UGT8: variants seen among roughly 807,000 people sequenced by gnomAD.
The protein encoded by UGT8 is UDP glycosyltransferase 8.
A neutral mutation model predicts 40.5 loss-of-function variants in UGT8; 12 were observed. The observed-to-expected ratio is 0.30, with a 90% CI of 0.19 to 0.48. The LOEUF (loss-of-function observed/expected upper bound fraction) is 0.48, where lower values mean the gene tolerates loss of function less well. Ranked by LOEUF, UGT8 falls within the 20% of genes least tolerant of loss-of-function variation. The probability of loss-of-function intolerance (pLI) is 0.99; values close to 1 mark genes in which losing one functional copy is unlikely to be tolerated. For synonymous variants in UGT8, 224 were observed against 240.4 expected (o/e 0.93, Z 0.63); for missense variants, 513 against 648.7 (o/e 0.79, Z 2.27).
intron 2 of UGT8, among the ~76,000 whole-genome samples, chr4:114,629,657 A>G (rs1056034173): frequency 2.6e-5 from 4 of 152,238 alleles, no homozygotes; most frequent in East Asian, 1.9e-4. Context: ...TGTTGAAACT[A>G]TCAATGACTT....
At position 114,668,215 on chromosome 4, in the gene UGT8, G is replaced by A. The variant is rs1167704465; in HGVS notation, c.1173G>A (p.Gln391=). Residue 391 remains glutamine (Q), a synonymous_variant, in exon 5 of 6, where the codon CAG becomes CAA. Transcript: ENST00000310836. ...ATTATGATACTATGACCAGAGTACAGGCAAAAGGCATGGGGATATTGCTAG... is the reference window on the plus strand; with the variant it reads ...ATTATGATACTATGACCAGAGTACAAGCAAAAGGCATGGGGATATTGCTAG... ...GDHYDTMTRV[Q]AKGMGILLEW... is the part of the protein sequence containing the mutation. The A allele has an allele frequency of 6.2e-7, 1 of 1,613,808 alleles. No individual in the cohort carries two copies. The highest frequency in any genetic ancestry group is 2.2e-5 in the East Asian group (1 of 44,824).
intron 1 of UGT8, 38 bp downstream of exon 1, chr4:114,599,012 G>C (rs931920461): frequency 5.9e-5 from 9 of 151,528 alleles, no homozygotes; most frequent in African/African-American, 2.2e-4. Context: ...AGGGCGGAAG[G>C]GGGGGCGGTC....
chr4:114,671,186 C>G (rs1047304532), intron 5 of UGT8, among the ~76,000 whole-genome samples: 51 of 152,074 alleles, frequency 3.4e-4, no homozygotes, highest in African/African-American at 1.2e-3. Flanking sequence ...AACATTCCAT[C>G]CTCATGGATA....
intron 2 of UGT8, among the ~76,000 whole-genome samples, chr4:114,654,554 T>A (rs2126125126): frequency 6.6e-6 from 1 of 152,220 alleles, no homozygotes; most frequent in East Asian, 1.9e-4. Flanking sequence ...GCTGGAATCA[T>A]CCTCAGGCTT....
At chr4:114,606,389 T>C (rs569735792) in intron 1 of UGT8, among the ~76,000 whole-genome samples, 11 of 152,306 alleles carry the variant, frequency 7.2e-5, no homozygotes, top group African/African-American at 2.6e-4. Flanking sequence ...GTCTAGGGGC[T>C]CCACAGCAGG....
chr4:114,643,088 A>G (rs1396307101), intron 2 of UGT8, among the ~76,000 whole-genome samples: 1 of 152,164 alleles, frequency 6.6e-6, no homozygotes, highest in Non-Finnish European at 1.5e-5. Context: ...GTGAAGGTCC[A>G]AGGTAAAAAC....
chr4:114,625,240 C>T (rs1218729756), intron 2 of UGT8, among the ~76,000 whole-genome samples: 3 of 152,134 alleles, frequency 2.0e-5, no homozygotes, highest in South Asian at 2.1e-4. Context: ...GAGCTGGACG[C>T]GGTGTCCCAT....
At chr4:114,608,371 A>G (rs764412303) in intron 1 of UGT8, among the ~76,000 whole-genome samples, 6 of 152,162 alleles carry the variant, frequency 3.9e-5, no homozygotes, top group Non-Finnish European at 8.8e-5. Flanking sequence ...GACAAACACT[A>G]TTGATCAGAG....
At chr4:114,641,515 G>T (rs1028250342) in intron 2 of UGT8, among the ~76,000 whole-genome samples, 1 of 152,106 alleles carries the variant, frequency 6.6e-6, no homozygotes, top group Admixed American at 6.5e-5. Flanking sequence ...TTAAAAAACT[G>T]TGGCGTCTGT....
intron 2 of UGT8, among the ~76,000 whole-genome samples, chr4:114,633,689 T>G (rs967145444): frequency 1.3e-5 from 2 of 152,230 alleles, no homozygotes; most frequent in African/African-American, 2.4e-5. Context: ...CTTTCGCCTG[T>G]CATCCCAGCA....
chr4:114,672,020 G>T (rs1377683753), intron 5 of UGT8, among the ~76,000 whole-genome samples: 2 of 152,180 alleles, frequency 1.3e-5, no homozygotes, highest in Non-Finnish European at 2.9e-5. Flanking sequence ...GATATGAACA[G>T]ACACTTCTCA....
At chr4:114,607,483 C>G (rs1271622911) in intron 1 of UGT8, among the ~76,000 whole-genome samples, 1 of 152,104 alleles carries the variant, frequency 6.6e-6, no homozygotes, top group African/African-American at 2.4e-5. Context: ...TTCTTCCTTC[C>G]TGGCATTTTT....
intron 1 of UGT8, among the ~76,000 whole-genome samples, chr4:114,612,463 C>T (rs1731151522): frequency 6.6e-6 from 1 of 152,092 alleles, no homozygotes; most frequent in South Asian, 2.1e-4. Context: ...TTATTATGTG[C>T]AGTTGGACTA....
In UGT8 at chr4:114,677,922, G is replaced by A. The variant is rs1735750354; in HGVS notation, c.*1634G>A. ...GCACTTAGAAATAATGTCACAAGTA[G>A]TTTTCTAATGTACAATGCAGACAAA... On this transcript the variant is annotated 3_prime_UTR_variant, in exon 6 of 6. Transcript: ENST00000310836. 6.6e-6 allele frequency: 1 copy of A among 152,206 alleles called. No individual in the cohort carries two copies. The highest frequency in any genetic ancestry group is 1.5e-5 in the Non-Finnish European group (1 of 68,040). The allele number at this position is 152,206 out of a possible 1,614,324, so 9.4% of individuals were successfully genotyped here.
chr4:114,643,141 ACT>A lies in UGT8; in HGVS notation c.822+19444_822+19445del, dbSNP rs1030721943. Among the ~76,000 whole-genome samples the A allele has an allele frequency of 2.6e-5, 4 of 152,082 alleles. No individual in the cohort carries two copies. The East Asian group carries it at 7.7e-4, about 29-fold the overall frequency. On this transcript the variant is annotated intron_variant, in intron 2 of 5. Coordinates refer to ENST00000310836, the MANE Select transcript of UGT8 (RefSeq NM_001128174.3). ...CAGGACTTAAGATGCACAGTCACAT[ACT>A]CTCTGACTTTTTTGTTTGTATTAAG...
chr4:114,649,265 A>C (rs1228927935), intron 2 of UGT8, among the ~76,000 whole-genome samples: 3 of 152,156 alleles, frequency 2.0e-5, no homozygotes, highest in Admixed American at 6.6e-5. Context: ...ACCACAGAGG[A>C]ATCAGTTTGC....
intron 2 of UGT8, among the ~76,000 whole-genome samples, chr4:114,663,326 A>G (rs1017508846): frequency 6.6e-6 from 1 of 152,044 alleles, no homozygotes; most frequent in African/African-American, 2.4e-5. Context: ...TGCTTTCATG[A>G]CTGCATTATG....
At chr4:114,662,965 C>T (rs1465230807) in intron 2 of UGT8, among the ~76,000 whole-genome samples, 3 of 151,378 alleles carry the variant, frequency 2.0e-5, no homozygotes, top group Admixed American at 2.0e-4. Flanking sequence ...TACAGGTGCC[C>T]GCCACCATGC....
chr4:114,639,255 A>T (rs371947109), intron 2 of UGT8, among the ~76,000 whole-genome samples: 1 of 152,126 alleles, frequency 6.6e-6, no homozygotes, highest in African/African-American at 2.4e-5. Context: ...TCATTCATCA[A>T]TTCTCTCAGC....
Sources: allele counts gnomAD v4.1 joint callset (sites outside exome capture counted in the v4.1 genomes callset), GRCh38; gene constraint gnomAD v4.1.1; transcripts MANE v1.5; gene names NCBI Gene and HGNC (gene_info 2026-07-23, HGNC 2026-07-21).